Variants in MUC4 observed in about 807,000 individuals in gnomAD.
MUC4 encodes mucin-4.
MUC4 carries 202 observed loss-of-function variants against 257.9 expected under a neutral mutation model. The observed-to-expected ratio is 0.78, with a 90% confidence interval of 0.70 to 0.88. MUC4 has a LOEUF of 0.88. MUC4 is among the 40% of genes least tolerant of loss of function. The pLI, the probability that MUC4 is intolerant of heterozygous loss-of-function variation, is 0.00. For missense variants in MUC4, 5,976 were observed against 6,513.7 expected (o/e 0.92, Z 2.84); for synonymous variants, 2,351 against 2,757.1 (o/e 0.85, Z 4.62).
At chr3:195,754,096 G>A (rs536745668) in intron 19 of MUC4, 117 bp downstream of exon 19, 2 of 1,345,420 alleles carry the variant, frequency 1.5e-6, no homozygotes, top group African/African-American at 3.0e-5. Flanking sequence ...TGCCTAGATT[G>A]AGCATTCTAA....
chr3:195,770,113 T>C, intron 6 of MUC4, 103 bp downstream of exon 6: 1 of 1,234,064 alleles, frequency 8.1e-7, no homozygotes, highest in East Asian at 2.8e-5. Context: ...ATTAGCAATC[T>C]TTCCTAGAGC....
intron 14 of MUC4, 131 bp downstream of exon 14, chr3:195,761,956 G>A: frequency 8.8e-7 from 1 of 1,140,788 alleles, no homozygotes; most frequent in African/African-American, 1.6e-5. Flanking sequence ...GGCCCGCTCT[G>A]TGCCCCAAGG....
Position 195,789,049 on chromosome 3 carries a change from G to T in MUC4, c.2531C>A (p.Thr844Lys). ...PSRDSHTTQS[T>K]TELLSASASH... ...GGCTGAGGCGGACAGCAATTCGGTT[G>T]TTGACTGGGTTGTGTGACTGTCCCT... Residue 844 changes from threonine to lysine, a missense_variant, in exon 2 of 25, where the codon ACA becomes AAA. Coordinates refer to ENST00000463781, the MANE Select transcript of MUC4 (RefSeq NM_018406.7). The T allele has an allele frequency of 1.2e-6, 2 of 1,613,814 alleles. No homozygotes were observed. Among genetic ancestry groups the T allele is most frequent in the South Asian group, 1.1e-5 (1 of 91,076 alleles).
chr3:195,760,902 G>A lies in MUC4; in HGVS notation c.14830C>T (p.Gln4944Ter). The change falls in exon 16 of 25, where the codon CAG becomes TAG. Residue 4944 changes from glutamine (Q) to a stop codon, truncating the protein, a stop_gained. Transcript: ENST00000463781. LOFTEE classifies it high-confidence loss of function. ...HTREVSKNYE[Q>*]ANATLNQYPP... is the part of the protein sequence containing the mutation. ...CACTTACTGAGGGTGGCGTTCGCCT[G>A]CTCGTAGTTTTTACTGACTTCCCTC... 2 of 1,614,172 alleles carry A rather than the reference G, an allele frequency of 1.2e-6. No individual in the cohort carries two copies. Among genetic ancestry groups the A allele is most frequent in the South Asian group, 2.2e-5 (2 of 91,086 alleles).
chr3:195,751,312 C>T (rs1466815369), intron 21 of MUC4, 41 bp from the exon 22 acceptor site: 1 of 1,496,490 alleles, frequency 6.7e-7, no homozygotes, highest in South Asian at 1.2e-5. Context: ...GGTGAGGCCC[C>T]ATCCGGGGGG....
At chr3:195,761,237 CG>C (rs1718829809) in intron 15 of MUC4, 120 bp from the exon 16 acceptor site, 3 of 913,766 alleles carry the variant, frequency 3.3e-6, no homozygotes, top group Non-Finnish European at 1.7e-6. Context: ...AGGGCCAGAG[CG>C]GTTTCCAGCT....
rs1295413193 is a variant in MUC4, at chr3:195,786,626, T to G, written c.4954A>C (p.Thr1652Pro). 6.6e-7 allele frequency: 1 copy of G among 1,524,662 alleles called. No homozygotes were observed. Among genetic ancestry groups the G allele is most frequent in the Non-Finnish European group, 8.8e-7 (1 of 1,132,522 alleles). The allele number at this position is 1,524,662 out of a possible 1,614,324, so 94.4% of individuals were successfully genotyped here. A position where few individuals can be genotyped will look rare whatever the true frequency, so the allele number is the denominator to read the frequency against. ...STGHATPLHV[T>P]SPSSASTGHA... The stretch of plus-strand genomic sequence containing the variant: ...CCTGTGGATGCTGAGGAAGGGCTGG[T>G]GACATGAAGAGGGGTGGCGTGACCT... Residue 1652 changes from threonine to proline, a missense_variant, in exon 2 of 25, where the codon ACC (threonine) becomes CCC (proline). Around this residue, in one of 44 missense-constraint regions of MUC4, gnomAD observed 61 missense variants for 100.2 expected, o/e 0.61. Coordinates refer to ENST00000463781, the MANE Select transcript of MUC4 (RefSeq NM_018406.7).
chr3:195,789,450 G>A lies in MUC4; in HGVS notation c.2130C>T (p.Thr710=), dbSNP rs1413062384. 4 of 1,613,998 alleles carry A rather than the reference G, an allele frequency of 2.5e-6. No individual in the cohort carries two copies. The highest frequency in any genetic ancestry group is 3.4e-6 in the Non-Finnish European group (4 of 1,179,878). ...TGDGHTTQAP[T]TALQAAPSSH... ...TGCTGGGTGCTGCCTGCAGTGCTGTGGTCGGGGCCTGGGTTGTGTGACCAT... is the reference window on the plus strand; with the variant it reads ...TGCTGGGTGCTGCCTGCAGTGCTGTAGTCGGGGCCTGGGTTGTGTGACCAT... The change falls in exon 2 of 25, where the codon ACC becomes ACT. Residue 710 remains threonine, a synonymous_variant. Transcript: ENST00000463781.
chr3:195,765,128 A>C lies in MUC4; in HGVS notation c.13799-6T>G, dbSNP rs1315069580. On this transcript the variant is annotated splice_polypyrimidine_tract_variant and splice_region_variant and intron_variant, in intron 9 of 24. Coordinates refer to ENST00000463781, the MANE Select transcript of MUC4 (RefSeq NM_018406.7). Reference sequence around the variant, plus strand: ...ACTGCCGAGGCCCCAGCGACCTGAAACAAGTCCAGTCCCACTCAGGCCCAG... The same window carrying C: ...ACTGCCGAGGCCCCAGCGACCTGAACCAAGTCCAGTCCCACTCAGGCCCAG... 2 of 1,611,440 alleles carry C rather than the reference A, an allele frequency of 1.2e-6. No individual in the cohort carries two copies. Among genetic ancestry groups the C allele is most frequent in the African/African-American group, 2.7e-5 (2 of 74,878 alleles).
At position 195,747,324 on chromosome 3, in the gene MUC4, A is replaced by C; in HGVS notation, c.16091T>G (p.Met5364Arg). The C allele has an allele frequency of 1.9e-6, 3 of 1,614,110 alleles. No individual in the cohort carries two copies. Among genetic ancestry groups the C allele is most frequent in the South Asian group, 1.1e-5 (1 of 91,084 alleles). The stretch of plus-strand genomic sequence containing the variant: ...GATGCCGAAGAACGCGTCGAGTTTC[A>C]TGCTCAGGTGCTCACAGTGCTCGCC... ...AWGEHCEHLS[M>R]KLDAFFGIFF... Residue 5364 changes from methionine to arginine, a missense_variant, in exon 25 of 25, where the codon ATG becomes AGG. Coordinates refer to ENST00000463781, the MANE Select transcript of MUC4 (RefSeq NM_018406.7).
chr3:195,761,951 G>A (rs1719039761), intron 14 of MUC4, 136 bp downstream of exon 14: 5 of 1,100,982 alleles, frequency 4.5e-6, no homozygotes, highest in Admixed American at 5.6e-5. Context: ...CTCCCGGCCC[G>A]CTCTGTGCCC....
rs1730209189 is a variant in MUC4 at position 195,784,380 on chromosome 3, AGGGGTGGTGT to A, written c.7190_7199del (p.Asp2397ValfsTer604). Reference sequence around the variant, plus strand: ...CTGAGGAAGTGTCGGTGACAGGAAGAGGGGTGGTGTCACCTGTGGATGCTGAGGAAGCGTC... The same window carrying A: ...CTGAGGAAGTGTCGGTGACAGGAAGACACCTGTGGATGCTGAGGAAGCGTC... On this transcript the variant is annotated frameshift_variant, in exon 2 of 25. Transcript: ENST00000463781. LOFTEE classifies it high-confidence loss of function. 1 of 1,489,500 alleles carries A rather than the reference AGGGGTGGTGT, an allele frequency of 6.7e-7. No homozygotes were observed. Among genetic ancestry groups the A allele is most frequent in the African/African-American group, 1.5e-5 (1 of 66,182 alleles). The allele number at this position is 1,489,500 out of a possible 1,614,324, so 92.3% of individuals were successfully genotyped here.
rs1560305747 is a variant in MUC4, at chr3:195,780,038, AGGAAG to A, written c.11537_11541del (p.Pro3846LeufsTer6). The A allele has an allele frequency of 1.4e-5, 10 of 738,122 alleles. 1 individual carries two copies. Among genetic ancestry groups the A allele is most frequent in the Non-Finnish European group, 1.7e-5 (10 of 576,318 alleles). 45.7% of individuals were successfully genotyped at this position (738,122 alleles called of 1,614,324 possible). On this transcript the variant is annotated frameshift_variant, in exon 2 of 25. Transcript: ENST00000463781. LOFTEE classifies it high-confidence loss of function. The stretch of plus-strand genomic sequence containing the variant: ...GGCATGGTGTCACCTGTGGATACTG[AGGAAG>A]GGATGGTGACAGGAAGAGGGGTGGC...
intron 1 of MUC4, among the ~76,000 whole-genome samples, chr3:195,807,594 G>T (rs1344856788): frequency 1.3e-5 from 2 of 152,184 alleles, no homozygotes; most frequent in African/African-American, 4.8e-5. Context: ...AGAACATGCT[G>T]GGGCGGGAAC....
Position 195,789,202 on chromosome 3 carries a change from G to GA in MUC4, c.2377dup (p.Ser793PhefsTer86), listed in dbSNP as rs1560397594. On this transcript the variant is annotated frameshift_variant, in exon 2 of 25. Coordinates refer to ENST00000463781, the MANE Select transcript of MUC4 (RefSeq NM_018406.7). LOFTEE classifies it high-confidence loss of function. Reference sequence around the variant, plus strand: ...GCCCGCTGAGGTGGTTCGTGACCCTGAGGAGGCCGGTTCGCTGGTCTGTGT... The same window carrying GA: ...GCCCGCTGAGGTGGTTCGTGACCCTGAAGGAGGCCGGTTCGCTGGTCTGTGT... The GA allele has an allele frequency of 6.2e-7, 1 of 1,613,894 alleles. No individual in the cohort carries two copies. Among genetic ancestry groups the GA allele is most frequent in the Admixed American group, 1.7e-5 (1 of 60,010 alleles).
At position 195,769,106 on chromosome 3, in the gene MUC4, T is replaced by C. The variant is rs1722244740; in HGVS notation, c.13445A>G (p.Tyr4482Cys). 3.7e-6 allele frequency: 6 copies of C among 1,614,038 alleles called. No homozygotes were observed. Among genetic ancestry groups the C allele is most frequent in the Non-Finnish European group, 5.1e-6 (6 of 1,180,022 alleles). The change falls in exon 7 of 25, where the codon TAT becomes TGT. Residue 4482 changes from tyrosine to cysteine, a missense_variant. Around this residue, in one of 44 missense-constraint regions of MUC4, gnomAD observed 996 missense variants for 1,137.3 expected, o/e 0.88. Coordinates refer to ENST00000463781, the MANE Select transcript of MUC4 (RefSeq NM_018406.7). ...ACCGCTCTGGTAGAGAAACAGGGCA[T>C]AGGACCTGCTCCCGTCCGTGGAGAG... ...AILSTDGSRS[Y>C]ALFLYQSGGM...
intron 1 of MUC4, among the ~76,000 whole-genome samples, chr3:195,811,145 A>T (rs77376338): frequency 0.13 from 17,787 of 136,714 alleles, 1,357 homozygotes; most frequent in Non-Finnish European, 0.17. Flanking sequence ...ATTTTATTTT[A>T]TATTTATTTA....
At position 195,771,773 on chromosome 3, in the gene MUC4, T is replaced by C; in HGVS notation, c.13121A>G (p.Gln4374Arg). 6.2e-7 allele frequency: 1 copy of C among 1,613,932 alleles called. No homozygotes were observed. Among genetic ancestry groups the C allele is most frequent in the Non-Finnish European group, 8.5e-7 (1 of 1,179,856 alleles). Residue 4374 changes from glutamine to arginine, a missense_variant, in exon 5 of 25, where the codon CAG (glutamine) becomes CGG (arginine). Gln to Arg is a conservative substitution (Grantham distance 43). Transcript: ENST00000463781. ...GQIIFPESDY[Q>R]IFSYPNPLPT... ...GAGTGGGTTGGGGTAGGAGAAAATCTGGTAGTCTGACTCTGGGAAGATGAT... is the reference window on the plus strand; with the variant it reads ...GAGTGGGTTGGGGTAGGAGAAAATCCGGTAGTCTGACTCTGGGAAGATGAT...
chr3:195,783,850 A>C lies in MUC4; in HGVS notation c.7730T>G (p.Leu2577Arg). 6.6e-7 allele frequency: 1 copy of C among 1,508,694 alleles called. No homozygotes were observed. Among genetic ancestry groups the C allele is most frequent in the East Asian group, 2.5e-5 (1 of 39,224 alleles). 93.5% of individuals were successfully genotyped at this position (1,508,694 alleles called of 1,614,324 possible). Reference protein sequence around the residue: ...SAASTGHATPLPVTSTSSAST... With the variant: ...SAASTGHATPRPVTSTSSAST... ...TGCTGAGGAAGTGCTGGTGACAGGA[A>C]GAGGGGTGGCGTGACCTGTGGATGC... Residue 2577 changes from leucine (L) to arginine (R), a missense_variant, in exon 2 of 25, where the codon CTT (leucine) becomes CGT (arginine). By Grantham distance (102) the Leu-to-Arg change is moderately radical. Coordinates refer to ENST00000463781, the MANE Select transcript of MUC4 (RefSeq NM_018406.7).
Sources: allele counts gnomAD v4.1 joint callset (sites outside exome capture counted in the v4.1 genomes callset), GRCh38; gene constraint gnomAD v4.1.1; regional missense constraint gnomAD v4.1.1; transcripts MANE v1.5; gene names NCBI Gene and HGNC (gene_info 2026-07-23, HGNC 2026-07-21).